Variants in SPATA13 observed in about 807,000 individuals in gnomAD.
The protein encoded by SPATA13 is spermatogenesis-associated protein 13.
In SPATA13, 50 loss-of-function variants were observed where a neutral mutation model predicts 104.0. The ratio of observed to expected loss-of-function variants is 0.48; its 90% CI spans 0.38 to 0.61. The LOEUF (loss-of-function observed/expected upper bound fraction) is 0.61, where lower values mean the gene tolerates loss of function less well. SPATA13 is among the 20% of genes least tolerant of loss of function. The probability of loss-of-function intolerance (pLI) is 0.00; values close to 1 mark genes in which losing one functional copy is unlikely to be tolerated. For synonymous variants in SPATA13, 606 were observed against 667.5 expected (o/e 0.91, Z 1.42); for missense variants, 1,524 against 1,690.6 (o/e 0.90, Z 1.73).
chr13:24,015,301 A>G (rs1313228516), intron 2 of SPATA13, among the ~76,000 whole-genome samples: 1 of 152,238 alleles, frequency 6.6e-6, no homozygotes, highest in African/African-American at 2.4e-5. Flanking sequence ...TTACTGCAAA[A>G]TAGACACATG....
rs369136913 is a variant in SPATA13 at position 24,286,191 on chromosome 13, C to T, written c.2302-23C>T. On this transcript the variant is annotated intron_variant, in intron 5 of 12. Transcript: ENST00000382108. This position sits in a 1 kb window ranked among gnomAD's most constrained non-coding sequence, Gnocchi z 4.9. Reference sequence around the variant, plus strand: ...CCGCCCACTCGTGCTCTATGCTGAGCGCACCCCACTGTCTCCTTTCAGCTG... The same window carrying T: ...CCGCCCACTCGTGCTCTATGCTGAGTGCACCCCACTGTCTCCTTTCAGCTG... 19 of 1,593,578 alleles carry T rather than the reference C, an allele frequency of 1.2e-5. No homozygotes were observed. Among genetic ancestry groups the T allele is most frequent in the East Asian group, 1.1e-4 (5 of 44,614 alleles).
At chr13:24,064,748 G>A (rs543096977) in intron 3 of SPATA13, among the ~76,000 whole-genome samples, 2 of 152,278 alleles carry the variant, frequency 1.3e-5, no homozygotes, top group East Asian at 3.9e-4. Context: ...GCTGCTGGGT[G>A]CCTTCTTAAT....
At chr13:24,003,936 C>T (rs1471793588) in intron 2 of SPATA13, among the ~76,000 whole-genome samples, 2 of 152,132 alleles carry the variant, frequency 1.3e-5, no homozygotes, top group African/African-American at 2.4e-5. Flanking sequence ...AGCCACACTC[C>T]CCCTCCTCCT....
At chr13:24,040,896 C>T (rs1877898618) in intron 3 of SPATA13, among the ~76,000 whole-genome samples, 1 of 152,148 alleles carries the variant, frequency 6.6e-6, no homozygotes, top group Non-Finnish European at 1.5e-5. Flanking sequence ...GGTTAGAGCA[C>T]CACGAACTCA....
chr13:24,171,758 A>C (rs1882979288), intron 1 of SPATA13, among the ~76,000 whole-genome samples: 1 of 152,238 alleles, frequency 6.6e-6, no homozygotes, highest in Non-Finnish European at 1.5e-5. Context: ...CGTGAATAAC[A>C]AAGTTTTGGT....
intron 9 of SPATA13, among the ~76,000 whole-genome samples, chr13:24,291,760 T>A (rs1219453532): frequency 6.7e-6 from 1 of 148,442 alleles, no homozygotes; most frequent in Non-Finnish European, 1.5e-5. Flanking sequence ...TTTTTTATTT[T>A]TTTTTTTGAG....
intron 3 of SPATA13, among the ~76,000 whole-genome samples, chr13:24,105,515 C>A (rs1166543738): frequency 6.6e-6 from 1 of 151,236 alleles, no homozygotes; most frequent in African/African-American, 2.4e-5. Context: ...GCACCAAGCA[C>A]AATGAGAGAG....
At chr13:24,173,867 TTC>T (rs1480578647) in intron 1 of SPATA13, among the ~76,000 whole-genome samples, 1 of 152,238 alleles carries the variant, frequency 6.6e-6, no homozygotes, top group African/African-American at 2.4e-5. Flanking sequence ...TATTGCTGAA[TTC>T]TGTTTTGTTA....
At position 24,259,151 on chromosome 13, in the gene SPATA13, A is replaced by G. The variant is rs541735102; in HGVS notation, c.2164+7289A>G. On this transcript the variant is annotated intron_variant, in intron 4 of 12. Transcript: ENST00000382108. ...AGGCACGTGCAAGTGACCCTGCAGG[A>G]ATGCTGCTACCTCCTTGCTAAGCCC... Among the ~76,000 whole-genome samples the G allele has an allele frequency of 1.2e-4, 19 of 152,308 alleles. No individual in the cohort carries two copies. In the South Asian group the frequency reaches 3.9e-3, roughly 32 times the overall value.
At chr13:24,123,681 T>G in intron 3 of SPATA13, 3 of 1,587,070 alleles carry the variant, frequency 1.9e-6, no homozygotes, top group Non-Finnish European at 2.6e-6. Flanking sequence ...TATATATTCG[T>G]AAGGGTCTTC....
intron 3 of SPATA13, among the ~76,000 whole-genome samples, chr13:24,081,406 G>A (rs1051997939): frequency 1.3e-4 from 19 of 151,844 alleles, no homozygotes; most frequent in African/African-American, 4.1e-4. Context: ...AAGCACTTAT[G>A]TCCTTGGATA....
chr13:24,224,645 GT>G (rs762627438), intron 2 of SPATA13, 63 bp downstream of exon 2: 3 of 1,514,844 alleles, frequency 2.0e-6, no homozygotes, highest in Non-Finnish European at 2.7e-6. Context: ...GCTTGCACAG[GT>G]GTTGCCCTTG....
At chr13:24,001,364 G>C (rs1426646664) in intron 2 of SPATA13, among the ~76,000 whole-genome samples, 1 of 152,102 alleles carries the variant, frequency 6.6e-6, no homozygotes, top group Non-Finnish European at 1.5e-5. Flanking sequence ...GTGGAGGTTG[G>C]GGGAGTGTCT....
At chr13:24,057,256 C>G (rs568990520) in intron 3 of SPATA13, among the ~76,000 whole-genome samples, 2 of 151,076 alleles carry the variant, frequency 1.3e-5, no homozygotes, top group Non-Finnish European at 3.0e-5. Flanking sequence ...CAACAGTCCC[C>G]GGAGTGTGAT....
intron 3 of SPATA13, among the ~76,000 whole-genome samples, chr13:24,146,496 A>T (rs1477272139): frequency 6.6e-6 from 1 of 152,252 alleles, no homozygotes; most frequent in Non-Finnish European, 1.5e-5. Flanking sequence ...CTAGGGCGAT[A>T]CATAACTAAG....
At chr13:24,208,481 G>A (rs927808324) in intron 1 of SPATA13, among the ~76,000 whole-genome samples, 1 of 151,700 alleles carries the variant, frequency 6.6e-6, no homozygotes, top group African/African-American at 2.4e-5. Flanking sequence ...TGGAGTCTGA[G>A]TTCTCCAAGA....
intron 3 of SPATA13, among the ~76,000 whole-genome samples, chr13:24,096,553 C>T (rs947464208): frequency 2.6e-5 from 4 of 152,036 alleles, no homozygotes; most frequent in South Asian, 2.1e-4. Flanking sequence ...GAGCCAAGAT[C>T]GCACCACAGC....
chr13:24,222,088 C>G lies in SPATA13; in HGVS notation c.-111-731C>G, dbSNP rs990927966. ...TCGGACTCCCAAAGTGTTAGGATTA[C>G]AGGCGTGAGCCACTGCACCCAACCC... On this transcript the variant is annotated intron_variant, in intron 1 of 12. Transcript: ENST00000382108. 7.9e-5 allele frequency among the ~76,000 whole-genome samples: 12 copies of G among 152,318 alleles called. No homozygotes were observed. The East Asian group carries it at 2.3e-3, about 29-fold the overall frequency.
chr13:24,300,558 G>C, intron 12 of SPATA13, 83 bp downstream of exon 12: 2 of 1,288,832 alleles, frequency 1.6e-6, no homozygotes, highest in Non-Finnish European at 2.2e-6. Flanking sequence ...TTGTCAGCCT[G>C]TGACCAGCTT....
Sources: allele counts gnomAD v4.1 joint callset (sites outside exome capture counted in the v4.1 genomes callset), GRCh38; gene constraint gnomAD v4.1.1; non-coding constraint Gnocchi (gnomAD v3.1); transcripts MANE v1.5; gene names NCBI Gene and HGNC (gene_info 2026-07-23, HGNC 2026-07-21).